The following PPP1R9A variants were observed in gnomAD, a reference collection of about 807,000 sequenced individuals.
PPP1R9A encodes protein phosphatase 1 regulatory subunit 9A.
Under a neutral mutation model 141.9 loss-of-function variants are expected in PPP1R9A, and 59 were observed. The ratio of observed to expected loss-of-function variants is 0.42; its 90% confidence interval spans 0.34 to 0.52. The LOEUF (loss-of-function observed/expected upper bound fraction) is 0.52. Ranked by LOEUF, PPP1R9A falls within the 20% of genes least tolerant of loss-of-function variation. The pLI is 0.10. For missense variants in PPP1R9A, 1,444 were observed against 1,611.9 expected (o/e 0.90, Z 1.78); for synonymous variants, 500 against 569.7 (o/e 0.88, Z 1.74).
rs1218758578 is a variant in PPP1R9A, at chr7:95,251,689, GTTTA to G, written c.2397-70_2397-67del. ...GTTCAGTTGCTTATCCTACTATGCA[GTTTA>G]TTGTTTCAGATAAGAACTTTCATTT... is the stretch of plus-strand genomic sequence containing the variant. On this transcript the variant is annotated intron_variant, in intron 10 of 19. Transcript: ENST00000433360. 4 of 1,384,844 alleles carry G rather than the reference GTTTA, an allele frequency of 2.9e-6. No individual in the cohort carries two copies. In the African/African-American group the frequency reaches 4.4e-5, roughly 15 times the overall value. The allele number at this position is 1,384,844 out of a possible 1,614,324, so 85.8% of individuals were successfully genotyped here.
intron 2 of PPP1R9A, among the ~76,000 whole-genome samples, chr7:94,958,952 A>G (rs76951958): frequency 0.013 from 2,043 of 152,148 alleles, 51 homozygotes; most frequent in African/African-American, 0.047. Context: ...ATGAACAACT[A>G]CTAGAAAGTT....
In PPP1R9A at chr7:95,203,936, A is replaced by C. The variant is rs1790141426; in HGVS notation, c.1956+206A>C. ...CATATATTTTAGGTATAGGTTCTGC[A>C]ATTTAGACTCATTTCTTAATATTTA... On this transcript the variant is annotated intron_variant, in intron 7 of 19. Coordinates refer to ENST00000433360, the MANE Select transcript of PPP1R9A (RefSeq NM_001166160.2). Among the ~76,000 whole-genome samples, 4 of 152,298 alleles carry C rather than the reference A, an allele frequency of 2.6e-5. No individual in the cohort carries two copies. In the South Asian group the frequency reaches 8.3e-4, roughly 32 times the overall value.
At chr7:95,042,781 A>G (rs1411269292) in intron 2 of PPP1R9A, among the ~76,000 whole-genome samples, 1 of 152,148 alleles carries the variant, frequency 6.6e-6, no homozygotes, top group Non-Finnish European at 1.5e-5. Flanking sequence ...ACAAAATACA[A>G]TGGTTTTTGT....
At chr7:95,224,715 G>A (rs1794906412) in intron 7 of PPP1R9A, among the ~76,000 whole-genome samples, 1 of 151,944 alleles carries the variant, frequency 6.6e-6, no homozygotes, top group Non-Finnish European at 1.5e-5. Flanking sequence ...TAGGTGGGGG[G>A]AAAGGGGAAG....
intron 2 of PPP1R9A, among the ~76,000 whole-genome samples, chr7:95,046,658 C>T (rs187805105): frequency 1.9e-3 from 285 of 152,254 alleles, no homozygotes; most frequent in Non-Finnish European, 2.7e-3. Context: ...CCAGGGAATT[C>T]TCTGTCATGC....
Position 95,273,944 on chromosome 7 carries a change from C to G in PPP1R9A, c.3170C>G (p.Ala1057Gly). ...PKSLRASSSLAVQGGKIKRKF... is the reference protein window; with the variant it reads ...PKSLRASSSLGVQGGKIKRKF... Reference sequence around the variant, plus strand: ...TCACTAAGGGCATCCAGTTCATTGGCGGTGCAAGGAGGAAAAATTAAGCGG... The same window carrying G: ...TCACTAAGGGCATCCAGTTCATTGGGGGTGCAAGGAGGAAAAATTAAGCGG... The change falls in exon 15 of 20, where the codon GCG (alanine) becomes GGG (glycine). Residue 1057 changes from alanine to glycine, a missense_variant. Coordinates refer to ENST00000433360, the MANE Select transcript of PPP1R9A (RefSeq NM_001166160.2). 2 of 1,504,904 alleles carry G rather than the reference C, an allele frequency of 1.3e-6. No homozygotes were observed. The highest frequency in any genetic ancestry group is 1.8e-6 in the Non-Finnish European group (2 of 1,095,158). 93.2% of individuals were successfully genotyped at this position (1,504,904 alleles called of 1,614,324 possible).
chr7:94,970,088 T>G (rs1409293847), intron 2 of PPP1R9A, among the ~76,000 whole-genome samples: 1 of 152,086 alleles, frequency 6.6e-6, no homozygotes, highest in Non-Finnish European at 1.5e-5. Flanking sequence ...GTGGGCTCCA[T>G]GGGGGTGGGA....
intron 2 of PPP1R9A, among the ~76,000 whole-genome samples, chr7:95,065,099 T>C (rs2152103972): frequency 6.6e-6 from 1 of 152,304 alleles, no homozygotes; most frequent in South Asian, 2.1e-4. Flanking sequence ...ATGATCTCAC[T>C]CTGTCACTGA....
intron 2 of PPP1R9A, among the ~76,000 whole-genome samples, chr7:94,941,671 G>A (rs4729165): frequency 0.57 from 86,969 of 151,688 alleles, 25,302 homozygotes; most frequent in South Asian, 0.73. Context: ...CATATTTGGG[G>A]TCTGATAAAT....
chr7:94,963,181 T>C (rs747867237), intron 2 of PPP1R9A, among the ~76,000 whole-genome samples: 5 of 152,060 alleles, frequency 3.3e-5, no homozygotes, highest in Non-Finnish European at 7.4e-5. Flanking sequence ...GAATAAGTAG[T>C]TTTTGTGTAA....
rs16868737 is a variant in PPP1R9A at position 95,273,828 on chromosome 7, T to C, written c.3125-71T>C. On this transcript the variant is annotated intron_variant, in intron 14 of 19. Coordinates refer to ENST00000433360, the MANE Select transcript of PPP1R9A (RefSeq NM_001166160.2). Reference sequence around the variant, plus strand: ...TAGGCAAAGCCCTTAGATTCAGAGATGCATTGACTTTTGAATTGTGACTTT... The same window carrying C: ...TAGGCAAAGCCCTTAGATTCAGAGACGCATTGACTTTTGAATTGTGACTTT... 24,536 of 1,310,488 alleles carry C rather than the reference T, an allele frequency of 0.019. 1,382 individuals are homozygous for C. The African/African-American group carries it at 0.19, about 10-fold the overall frequency. The allele number at this position is 1,310,488 out of a possible 1,614,324, so 81.2% of individuals were successfully genotyped here.
rs369050001 is a variant in PPP1R9A at position 95,114,887 on chromosome 7, G to A, written c.1528+3496G>A. 3.6e-3 allele frequency among the ~76,000 whole-genome samples: 404 copies of A among 110,958 alleles called. 2 individuals are homozygous for A. The highest frequency in any genetic ancestry group is 0.012 in the African/African-American group (340 of 27,360). 72.8% of individuals were successfully genotyped at this position (110,958 alleles called of 152,430 possible). ...GGAAAGGATTAAACTTAAAAAGTCCGTCTCAAAAAAAAAAAAAAAAAGTCT... is the reference window on the plus strand; with the variant it reads ...GGAAAGGATTAAACTTAAAAAGTCCATCTCAAAAAAAAAAAAAAAAAGTCT... On this transcript the variant is annotated intron_variant, in intron 3 of 19. Transcript: ENST00000433360.
intron 2 of PPP1R9A, among the ~76,000 whole-genome samples, chr7:94,984,579 A>T (rs1273030296): frequency 2.0e-5 from 3 of 152,120 alleles, no homozygotes; most frequent in Admixed American, 2.0e-4. Flanking sequence ...TGTGTCCAGG[A>T]ATTTATCCAT....
rs533031338 is a variant in PPP1R9A, at chr7:95,107,302, G to A, written c.1396-3957G>A. 2.0e-5 allele frequency among the ~76,000 whole-genome samples: 3 copies of A among 152,104 alleles called. No individual in the cohort carries two copies. The East Asian group carries it at 5.8e-4, about 29-fold the overall frequency. On this transcript the variant is annotated intron_variant, in intron 2 of 19. Coordinates refer to ENST00000433360, the MANE Select transcript of PPP1R9A (RefSeq NM_001166160.2). ...CCCTTTATATATTAGGAATATTCAT[G>A]TTTCATCTTAATATTTGGTCATACT...
chr7:95,010,425 A>G (rs1204669837), intron 2 of PPP1R9A, among the ~76,000 whole-genome samples: 1 of 152,290 alleles, frequency 6.6e-6, no homozygotes, highest in East Asian at 1.9e-4. Flanking sequence ...GCAAGAAAAA[A>G]AAAATAGCTT....
At chr7:95,206,444 T>G (rs1790815259) in intron 7 of PPP1R9A, among the ~76,000 whole-genome samples, 1 of 152,194 alleles carries the variant, frequency 6.6e-6, no homozygotes, top group African/African-American at 2.4e-5. Context: ...TAGCTCCATT[T>G]AAATATTAAC....
chr7:95,277,517 C>T (rs550383358), intron 16 of PPP1R9A, among the ~76,000 whole-genome samples: 37 of 152,192 alleles, frequency 2.4e-4, no homozygotes, highest in African/African-American at 8.2e-4. Context: ...GCAGCCTTGA[C>T]CTCCTGGGCT....
At chr7:94,987,386 A>G (rs897122823) in intron 2 of PPP1R9A, among the ~76,000 whole-genome samples, 6 of 152,214 alleles carry the variant, frequency 3.9e-5, no homozygotes, top group African/African-American at 1.4e-4. Context: ...TATCTTAACT[A>G]TATAGATAAA....
chr7:94,921,920 G>A (rs1429535803), intron 2 of PPP1R9A, among the ~76,000 whole-genome samples: 2 of 151,808 alleles, frequency 1.3e-5, no homozygotes, highest in Non-Finnish European at 2.9e-5. Context: ...AGCTGTGATT[G>A]AGCCACCACA....
Sources: gnomAD v4.1 joint callset for allele counts (sites outside exome capture counted in the v4.1 genomes callset) on GRCh38, gnomAD v4.1.1 for gene constraint, MANE v1.5 for transcripts, NCBI Gene and HGNC (gene_info 2026-07-23, HGNC 2026-07-21) for gene names.